HOXC4: variants seen among roughly 807,000 people sequenced by gnomAD.
The protein encoded by HOXC4 is homeobox C4.
HOXC4 carries 15 observed loss-of-function variants against 25.5 expected under a neutral mutation model. The ratio of observed to expected loss-of-function variants is 0.59; its 90% CI spans 0.39 to 0.91. HOXC4 has a LOEUF of 0.91. Ranked by LOEUF, HOXC4 falls within the 40% of genes least tolerant of loss-of-function variation. HOXC4 has a pLI of 0.00. For synonymous variants in HOXC4, 165 were observed against 148.0 expected, an observed-to-expected ratio of 1.11 and a Z score of -0.83; for missense variants, 342 against 352.4, an observed-to-expected ratio of 0.97 and a Z score of 0.24.
Position 54,053,951 on chromosome 12 carries a change from C to G in HOXC4, c.29C>G (p.Ser10Cys). Residue 10 changes from serine to cysteine, a missense_variant, in exon 1 of 2, where the codon TCT (serine) becomes TGT (cysteine). Coordinates refer to ENST00000430889, the MANE Select transcript of HOXC4 (RefSeq NM_153633.3). Reference sequence around the variant, plus strand: ...ATCATGAGCTCGTATTTGATGGACTCTAACTACATCGATCCGAAATTTCCT... The same window carrying G: ...ATCATGAGCTCGTATTTGATGGACTGTAACTACATCGATCCGAAATTTCCT... MIMSSYLMD[S>C]NYIDPKFPPC... 6.2e-7 allele frequency: 1 copy of G among 1,613,730 alleles called. No individual in the cohort carries two copies. The highest frequency in any genetic ancestry group is 8.5e-7 in the Non-Finnish European group (1 of 1,179,660).
intron 1 of HOXC4, chr12:54,034,574 T>C (rs1941130580): frequency 1.7e-5 from 21 of 1,231,652 alleles, no homozygotes; most frequent in Middle Eastern, 5.5e-4. Flanking sequence ...CCTCTCTATA[T>C]TTCGGGTCGG....
At chr12:54,026,321 C>T (rs1940695801) in intron 1 of HOXC4, among the ~76,000 whole-genome samples, 1 of 152,180 alleles carries the variant, frequency 6.6e-6, no homozygotes, top group African/African-American at 2.4e-5. Context: ...GGGCCTGAAG[C>T]CTCAGCCAGC....
chr12:54,033,146 A>T, intron 1 of HOXC4: 1 of 1,610,920 alleles, frequency 6.2e-7, no homozygotes, highest in Non-Finnish European at 8.5e-7. Flanking sequence ...TAGCCAATTC[A>T]TTCTATAAGC....
rs549161061 is a variant in HOXC4 at position 54,032,972 on chromosome 12, C to T, written c.-124+15558C>T. 105 of 663,496 alleles carry T rather than the reference C, an allele frequency of 1.6e-4. 1 individual carries two copies. The South Asian group carries it at 2.1e-3, about 13-fold the overall frequency. The allele number at this position is 663,496 out of a possible 1,614,324, so 41.1% of individuals were successfully genotyped here. ...AGTCACGTGACTCTATTTAAGGCTCCCTTATTTGGGAAGAGCGCATAGGAT... is the reference window on the plus strand; with the variant it reads ...AGTCACGTGACTCTATTTAAGGCTCTCTTATTTGGGAAGAGCGCATAGGAT... On this transcript the variant is annotated intron_variant, in intron 1 of 3. Coordinates refer to the HOXC4 transcript ENST00000303406.
intron 1 of HOXC4, among the ~76,000 whole-genome samples, chr12:54,024,081 A>T (rs899929889): frequency 7.9e-5 from 12 of 152,382 alleles, no homozygotes; most frequent in Admixed American, 6.5e-4. Context: ...GTCGCTCCAG[A>T]ACAGCAAAGC....
chr12:54,022,470 T>C (rs2136422952), intron 1 of HOXC4: 1 of 152,286 alleles, frequency 6.6e-6, no homozygotes, highest in East Asian at 1.9e-4. Context: ...ATCATTGAAG[T>C]AAGTAATATT....
upstream of HOXC4, among the ~76,000 whole-genome samples, chr12:54,052,821 T>C (rs552910967): frequency 6.6e-6 from 1 of 152,152 alleles, no homozygotes; most frequent in African/African-American, 2.4e-5. Context: ...ACGTGTTACA[T>C]GGATACAGCT....
chr12:54,050,295 C>T (rs749058511), upstream of HOXC4, among the ~76,000 whole-genome samples: 46 of 152,292 alleles, frequency 3.0e-4, no homozygotes, highest in South Asian at 2.1e-4. Flanking sequence ...TGTACTGAAA[C>T]GTGTTTCCGA....
intron 1 of HOXC4, among the ~76,000 whole-genome samples, chr12:54,045,232 A>G (rs1271559763): frequency 2.0e-5 from 3 of 152,228 alleles, no homozygotes; most frequent in African/African-American, 7.2e-5. Context: ...GTATTTATAG[A>G]TCGTTCTATG....
Position 54,028,448 on chromosome 12 carries a change from C to A in HOXC4, c.-124+11034C>A, listed in dbSNP as rs1592231289. The A allele has an allele frequency of 2.1e-5, 32 of 1,499,226 alleles. No homozygotes were observed. In the East Asian group the frequency reaches 7.0e-4, roughly 33 times the overall value. 92.9% of individuals were successfully genotyped at this position (1,499,226 alleles called of 1,614,324 possible). A position where few individuals can be genotyped will look rare whatever the true frequency, so the allele number is the denominator to read the frequency against. On this transcript the variant is annotated intron_variant, in intron 1 of 3. Coordinates refer to the HOXC4 transcript ENST00000303406. ...GGATTGGAGCCGTCCCTATAACCAT[C>A]TAGTTCCGAGTACAAACTGGAGACA...
chr12:54,025,112 G>A (rs1301492132), intron 1 of HOXC4, among the ~76,000 whole-genome samples: 2 of 152,190 alleles, frequency 1.3e-5, no homozygotes, highest in East Asian at 3.8e-4. Context: ...TTGGGGGGTA[G>A]TGTTCTCTGA....
rs1682268948 is a variant in HOXC4, at chr12:54,055,145, C to T, written c.735C>T (p.Asp245=). Reference sequence around the variant, plus strand: ...CAGCTACCCCGGGTACTTCTGAAGACCACTCCCAGAGCGCCACGCCGCCGG... The same window carrying T: ...CAGCTACCCCGGGTACTTCTGAAGATCACTCCCAGAGCGCCACGCCGCCGG... ...LSAATPGTSE[D]HSQSATPPEQ... is the part of the protein sequence containing the mutation. The change falls in exon 2 of 2, where the codon GAC becomes GAT. Residue 245 remains aspartate, a synonymous_variant. Transcript: ENST00000430889. 1 of 1,613,200 alleles carries T rather than the reference C, an allele frequency of 6.2e-7. No individual in the cohort carries two copies. The highest frequency in any genetic ancestry group is 1.3e-5 in the African/African-American group (1 of 74,918).
chr12:54,054,386 CCCCCT>C, intron 1 of HOXC4, 25 bp downstream of exon 1: 1 of 1,449,676 alleles, frequency 6.9e-7, no homozygotes, highest in Non-Finnish European at 9.2e-7. Context: ...TTTTTGCTCC[CCCCCT>C]CCCTCCCTTC....
rs1202982706 is a variant in HOXC4 at position 54,042,239 on chromosome 12, A to C, written c.-123-10921A>C. ...ATGATCCGCCTGCCTTTGCCTCCCA[A>C]GGTGCTGGGATTACAGGCATGAGCC... On this transcript the variant is annotated intron_variant, in intron 1 of 3. Transcript: ENST00000303406. Among the ~76,000 whole-genome samples the C allele has an allele frequency of 2.6e-5, 4 of 152,116 alleles. No homozygotes were observed. In the East Asian group the frequency reaches 7.7e-4, roughly 29 times the overall value.
In HOXC4 at chr12:54,054,969, A is replaced by C; in HGVS notation, c.559A>C (p.Ile187Leu). Residue 187 changes from isoleucine to leucine, a missense_variant, in exon 2 of 2, where the codon ATC (isoleucine) becomes CTC (leucine). Physicochemically the swap from Ile to Leu is conservative, Grantham distance 5. Coordinates refer to ENST00000430889, the MANE Select transcript of HOXC4 (RefSeq NM_153633.3). Reference sequence around the variant, plus strand: ...CCGCTACCTGACCCGAAGGAGAAGGATCGAGATCGCCCACTCGCTGTGCCT... The same window carrying C: ...CCGCTACCTGACCCGAAGGAGAAGGCTCGAGATCGCCCACTCGCTGTGCCT... ...YNRYLTRRRR[I>L]EIAHSLCLSE... is the part of the protein sequence containing the mutation. The C allele has an allele frequency of 6.2e-7, 1 of 1,614,132 alleles. No individual in the cohort carries two copies. The highest frequency in any genetic ancestry group is 1.1e-5 in the South Asian group (1 of 91,076).
chr12:54,041,768 C>T (rs963477334), intron 1 of HOXC4, among the ~76,000 whole-genome samples: 5 of 152,206 alleles, frequency 3.3e-5, no homozygotes, highest in African/African-American at 1.2e-4. Context: ...ACTCTGTCTC[C>T]TGGGTTCAAG....
chr12:54,028,824 T>A, intron 1 of HOXC4: 1 of 1,613,846 alleles, frequency 6.2e-7, no homozygotes, highest in Non-Finnish European at 8.5e-7. Flanking sequence ...CCTCAATCGC[T>A]CAGGATTTTA....
chr12:54,050,490 A>G (rs891179540), upstream of HOXC4, among the ~76,000 whole-genome samples: 1 of 152,204 alleles, frequency 6.6e-6, no homozygotes, highest in Non-Finnish European at 1.5e-5. Flanking sequence ...AGGGTGAAAC[A>G]CAAAAGAAGA....
At position 54,054,857 on chromosome 12, in the gene HOXC4, C is replaced by T. The variant is rs992676993; in HGVS notation, c.447C>T (p.Pro149=). 6.2e-7 allele frequency: 1 copy of T among 1,604,342 alleles called. No homozygotes were observed. The highest frequency in any genetic ancestry group is 1.3e-5 in the African/African-American group (1 of 74,582). The change falls in exon 2 of 2, where the codon CCC becomes CCT. Residue 149 remains proline, a synonymous_variant. Transcript: ENST00000430889. ...CTTTTCCCCTCCCCCCAGTGAACCCCAATTATAACGGAGGGGAACCCAAGC... is the reference window on the plus strand; with the variant it reads ...CTTTTCCCCTCCCCCCAGTGAACCCTAATTATAACGGAGGGGAACCCAAGC... ...MKKIHVSTVN[P]NYNGGEPKRS...
Sources: gnomAD v4.1 joint callset for allele counts (sites outside exome capture counted in the v4.1 genomes callset) on GRCh38, gnomAD v4.1.1 for gene constraint, MANE v1.5 for transcripts, NCBI Gene and HGNC (gene_info 2026-07-23, HGNC 2026-07-21) for gene names.